NHS: variants seen among roughly 807,000 people sequenced by gnomAD.
NHS encodes NHS actin remodeling regulator, also known as actin remodeling regulator NHS.
NHS carries 5 observed loss-of-function variants against 72.5 expected under a neutral mutation model. That is an observed-to-expected ratio of 0.07 (90% CI 0.04 to 0.14). NHS has a LOEUF of 0.14. Among genes scored for constraint, NHS ranks in the 10% least tolerant of loss-of-function variants. The probability of loss-of-function intolerance (pLI) is 1.00; values close to 1 mark genes in which losing one functional copy is unlikely to be tolerated. For missense variants in NHS, 1,072 were observed against 1,355.7 expected (o/e 0.79, Z 3.29); for synonymous variants, 464 against 547.7 (o/e 0.85, Z 2.13).
At chrX:17,508,307 T>C (rs904258125) in intron 1 of NHS, among the ~76,000 whole-genome samples, 1 of 110,871 alleles carries the variant, frequency 9.0e-6, no homozygotes, top group Non-Finnish European at 1.9e-5. Context: ...TTCATATAAC[T>C]GGAATCATAC....
chrX:17,594,287 A>C (rs1015697293), intron 1 of NHS, among the ~76,000 whole-genome samples: 5 of 112,196 alleles, frequency 4.5e-5, no homozygotes, highest in Non-Finnish European at 9.4e-5. Flanking sequence ...AAAACCAAAA[A>C]CAAAAAACAC....
intron 1 of NHS, among the ~76,000 whole-genome samples, chrX:17,502,103 G>A (rs1371450498): frequency 9.0e-6 from 1 of 111,398 alleles, no homozygotes; most frequent in African/African-American, 3.3e-5. Context: ...GTGTACACTC[G>A]GGAAAAAAGG....
intron 1 of NHS, among the ~76,000 whole-genome samples, chrX:17,402,677 G>A (rs2064508111): frequency 9.0e-6 from 1 of 111,634 alleles, no homozygotes; most frequent in Non-Finnish European, 1.9e-5. Flanking sequence ...AATGAGTATG[G>A]AGTTTCTTTT....
chrX:17,404,688 G>A (rs1244480870), intron 1 of NHS, among the ~76,000 whole-genome samples: 9 of 110,177 alleles, frequency 8.2e-5, no homozygotes, highest in Admixed American at 1.9e-4. Flanking sequence ...CTTCTTATAC[G>A]CCAAGCTCTC....
At chrX:17,706,804 C>T (rs2147126041) in intron 3 of NHS, among the ~76,000 whole-genome samples, 1 of 111,974 alleles carries the variant, frequency 8.9e-6, no homozygotes, top group East Asian at 2.8e-4. Flanking sequence ...TCACCCTCAC[C>T]CGCTGCTGAA....
In NHS at chrX:17,385,261, T is replaced by A. The variant is rs1601682732; in HGVS notation, c.565+8939T>A. 3.6e-5 allele frequency among the ~76,000 whole-genome samples: 4 copies of A among 111,938 alleles called. No individual in the cohort carries two copies. In the South Asian group the frequency reaches 1.5e-3, roughly 42 times the overall value. The stretch of plus-strand genomic sequence containing the variant: ...CCTGGGCATTCATGTGCTAAAAAAT[T>A]GCTTAATTCTGGGAGGCCAAGGTGG... On this transcript the variant is annotated intron_variant, in intron 1 of 8. Transcript: ENST00000676302.
intron 1 of NHS, among the ~76,000 whole-genome samples, chrX:17,642,605 A>G (rs1399278689): frequency 5.4e-5 from 6 of 112,022 alleles, no homozygotes; most frequent in African/African-American, 2.0e-4. Context: ...AAGCAGACCC[A>G]ACCAAGTATC....
At chrX:17,488,671 GCTT>G (rs2064977116) in intron 1 of NHS, among the ~76,000 whole-genome samples, 1 of 111,644 alleles carries the variant, frequency 9.0e-6, no homozygotes. Context: ...TAAAATATGT[GCTT>G]CTTATTAACC....
chrX:17,551,677 A>G (rs1569279462), intron 1 of NHS, among the ~76,000 whole-genome samples: 1 of 111,962 alleles, frequency 8.9e-6, no homozygotes, highest in Non-Finnish European at 1.9e-5. Context: ...AGCATGCAGC[A>G]GGTGCACAAG....
chrX:17,692,351 C>T lies in NHS; in HGVS notation c.735C>T (p.Ser245=), dbSNP rs779051139. ...QALRREHRSR[S]DRREQRAAAP... is the part of the protein sequence containing the mutation. ...CCTTCTCAGAACACCGGAGCCGGAG[C>T]GATCGCCGAGAGCAAAGAGCAGCTG... Residue 245 remains serine (S), a synonymous_variant, in exon 3 of 9, where the codon AGC becomes AGT. Transcript: ENST00000676302. 6.6e-6 allele frequency: 8 copies of T among 1,207,956 alleles called. No homozygotes were observed. Among genetic ancestry groups the T allele is most frequent in the African/African-American group, 5.3e-5 (3 of 56,497 alleles).
chrX:17,719,071 G>A, intron 3 of NHS, among the ~76,000 whole-genome samples: 1 of 94,213 alleles, frequency 1.1e-5, no homozygotes, highest in Admixed American at 1.1e-4. Flanking sequence ...AGGAAGAAGG[G>A]AGGAAGGAAG....
At chrX:17,423,709 T>C (rs1184794134) in intron 1 of NHS, among the ~76,000 whole-genome samples, 1 of 112,270 alleles carries the variant, frequency 8.9e-6, no homozygotes, top group Non-Finnish European at 1.9e-5. Flanking sequence ...GAGATAATCC[T>C]TCCTCACCTT....
intron 1 of NHS, among the ~76,000 whole-genome samples, chrX:17,499,807 C>A (rs1456948185): frequency 8.9e-6 from 1 of 111,985 alleles, no homozygotes; most frequent in Non-Finnish European, 1.9e-5. Flanking sequence ...TTGTGAGACA[C>A]TAGCAGCCAC....
chrX:17,419,351 A>G (rs1372285212), intron 1 of NHS, among the ~76,000 whole-genome samples: 2 of 112,576 alleles, frequency 1.8e-5, no homozygotes, highest in Non-Finnish European at 3.7e-5. Context: ...CTGAATCTGG[A>G]CATAAACTTC....
chrX:17,565,452 C>T (rs2065438430), intron 1 of NHS, among the ~76,000 whole-genome samples: 1 of 112,399 alleles, frequency 8.9e-6, no homozygotes, highest in Non-Finnish European at 1.9e-5. Flanking sequence ...GCTTGTTATG[C>T]AGCAGTAGAT....
chrX:17,405,141 C>G (rs768662196), intron 1 of NHS, among the ~76,000 whole-genome samples: 3 of 111,949 alleles, frequency 2.7e-5, no homozygotes, highest in Non-Finnish European at 5.6e-5. Context: ...CCTCTCTTTC[C>G]AAGCCTGCAT....
intron 1 of NHS, among the ~76,000 whole-genome samples, chrX:17,376,929 G>A (rs1256999173): frequency 8.8e-6 from 1 of 113,142 alleles, no homozygotes; most frequent in Non-Finnish European, 1.9e-5. Flanking sequence ...ACTGAACTTC[G>A]TAGTGCTTCT....
At chrX:17,410,675 A>G (rs1284615104) in intron 1 of NHS, among the ~76,000 whole-genome samples, 2 of 109,909 alleles carry the variant, frequency 1.8e-5, no homozygotes, top group Non-Finnish European at 3.8e-5. Flanking sequence ...AATTACTTAT[A>G]ATAGAACGTT....
chrX:17,712,922 T>C (rs982891109), intron 3 of NHS, among the ~76,000 whole-genome samples: 2 of 111,395 alleles, frequency 1.8e-5, no homozygotes, highest in African/African-American at 6.5e-5. Flanking sequence ...AGAGAAAGCA[T>C]AGGATGTGCC....
Sources: allele counts gnomAD v4.1 joint callset (sites outside exome capture counted in the v4.1 genomes callset), GRCh38; gene constraint gnomAD v4.1.1; transcripts MANE v1.5; gene names NCBI Gene and HGNC (gene_info 2026-07-23, HGNC 2026-07-21).